TMEM39A: variants seen among roughly 807,000 people sequenced by gnomAD.
TMEM39A encodes the protein transmembrane protein 39A.
TMEM39A carries 19 observed loss-of-function variants against 51.9 expected under a neutral mutation model. That is an observed-to-expected ratio of 0.37 (90% CI 0.26 to 0.54). The LOEUF is 0.54. Ranked by LOEUF, TMEM39A falls within the 20% of genes least tolerant of loss-of-function variation. The pLI is 0.88. For missense variants in TMEM39A, 433 were observed against 590.5 expected (o/e 0.73, Z 2.76); for synonymous variants, 197 against 220.2 (o/e 0.89, Z 0.93).
intron 3 of TMEM39A, among the ~76,000 whole-genome samples, chr3:119,457,274 A>G (rs980871695): frequency 1.3e-5 from 2 of 152,190 alleles, no homozygotes; most frequent in African/African-American, 4.8e-5. Flanking sequence ...CCGGCCTATC[A>G]TGGTACTCTT....
At chr3:119,434,445 C>T (rs2080941744) in intron 8 of TMEM39A, among the ~76,000 whole-genome samples, 1 of 151,988 alleles carries the variant, frequency 6.6e-6, no homozygotes, top group Non-Finnish European at 1.5e-5. Context: ...CAAACTCTTA[C>T]AAAACAAAAA....
At chr3:119,455,505 T>C (rs1553772819) in intron 3 of TMEM39A, among the ~76,000 whole-genome samples, 1 of 152,198 alleles carries the variant, frequency 6.6e-6, no homozygotes. Flanking sequence ...TTCTTGCAAC[T>C]CAGACTCTAG....
chr3:119,447,728 G>A (rs970534545), intron 4 of TMEM39A, among the ~76,000 whole-genome samples: 39 of 151,894 alleles, frequency 2.6e-4, no homozygotes, highest in African/African-American at 8.0e-4. Flanking sequence ...GGGTTCAAGC[G>A]GTTCTCCTGC....
chr3:119,439,002 C>T (rs1223962431), intron 5 of TMEM39A, among the ~76,000 whole-genome samples: 3 of 152,050 alleles, frequency 2.0e-5, no homozygotes, highest in African/African-American at 7.3e-5. Context: ...ACTCTGGTAC[C>T]TCAGATAGTG....
intron 3 of TMEM39A, among the ~76,000 whole-genome samples, chr3:119,455,239 G>T (rs534851877): frequency 6.6e-6 from 1 of 152,320 alleles, no homozygotes; most frequent in African/African-American, 2.4e-5. Context: ...TACCTTCAGT[G>T]ATGGGAAATA....
Position 119,438,210 on chromosome 3 carries a change from C to T in TMEM39A, c.576-107G>A, listed in dbSNP as rs374231064. On this transcript the variant is annotated intron_variant, in intron 5 of 8. Transcript: ENST00000319172. ...TTAGGTCAATAAAATAGTCAGGACC[C>T]GCAGGAGTAAACATAACTCAAGAGG... is the stretch of plus-strand genomic sequence containing the variant. 4.1e-3 allele frequency: 3,200 copies of T among 785,626 alleles called. 120 individuals carry two copies. The South Asian group carries it at 0.066, about 16-fold the overall frequency. The allele number at this position is 785,626 out of a possible 1,614,324, so 48.7% of individuals were successfully genotyped here. A position where few individuals can be genotyped will look rare whatever the true frequency, so the allele number is the denominator to read the frequency against.
At chr3:119,439,016 G>T (rs1170910936) in intron 5 of TMEM39A, among the ~76,000 whole-genome samples, 1 of 152,110 alleles carries the variant, frequency 6.6e-6, no homozygotes, top group Non-Finnish European at 1.5e-5. Context: ...GATAGTGGCT[G>T]TAACACTGTT....
chr3:119,437,039 G>T, intron 6 of TMEM39A, 61 bp from the exon 7 acceptor site: 1 of 1,512,240 alleles, frequency 6.6e-7, no homozygotes, highest in Non-Finnish European at 9.1e-7. Flanking sequence ...GCAGGGATGG[G>T]TTGGTGTACA....
chr3:119,458,327 C>T (rs2081292883), intron 2 of TMEM39A, 87 bp from the exon 3 acceptor site: 1 of 1,095,244 alleles, frequency 9.1e-7, no homozygotes, highest in Non-Finnish European at 1.3e-6. Flanking sequence ...CCTCCATCTA[C>T]CCCTTCACTG....
intron 5 of TMEM39A, among the ~76,000 whole-genome samples, chr3:119,444,990 G>C (rs1190850374): frequency 6.6e-6 from 1 of 152,108 alleles, no homozygotes; most frequent in East Asian, 1.9e-4. Flanking sequence ...TGAGGTGGGA[G>C]AATTGCTTGA....
intron 8 of TMEM39A, 42 bp downstream of exon 8, chr3:119,434,716 CACTT>C: frequency 6.2e-7 from 1 of 1,606,892 alleles, no homozygotes; most frequent in Admixed American, 1.7e-5. Flanking sequence ...GGCCTCCTAA[CACTT>C]ACCCCTAAGC....
rs1263074951 is a variant in TMEM39A, at chr3:119,438,053, T to C, written c.626A>G (p.His209Arg). The change falls in exon 6 of 9, where the codon CAT (histidine) becomes CGT (arginine). Residue 209 changes from histidine to arginine, a missense_variant. Transcript: ENST00000319172. The part of the protein sequence containing the change: ...LCCFHQDSRA[H>R]LLLTDYNYVV... ...ATAGTTGTAGTCTGTGAGAAGAAGA[T>C]GTGCTCTACTATCTTGATGAAAACA... The C allele has an allele frequency of 4.4e-6, 7 of 1,607,670 alleles. No homozygotes were observed. In the South Asian group the frequency reaches 6.6e-5, roughly 15 times the overall value.
At chr3:119,453,102 T>TA (rs1360301911) in intron 3 of TMEM39A, among the ~76,000 whole-genome samples, 1 of 152,216 alleles carries the variant, frequency 6.6e-6, no homozygotes, top group East Asian at 1.9e-4. Context: ...TTCCTTCTAG[T>TA]TCTAAATCTG....
intron 5 of TMEM39A, among the ~76,000 whole-genome samples, chr3:119,438,593 A>C (rs900446457): frequency 6.6e-6 from 1 of 152,336 alleles, no homozygotes; most frequent in East Asian, 1.9e-4. Context: ...ATTTTTAAAG[A>C]TACAATAGTA....
chr3:119,457,828 C>T (rs994631202), intron 3 of TMEM39A, among the ~76,000 whole-genome samples, 190 bp downstream of exon 3: 4 of 152,162 alleles, frequency 2.6e-5, no homozygotes, highest in Admixed American at 2.6e-4. Flanking sequence ...TATATTTTTA[C>T]TTCCTCTGGT....
intron 7 of TMEM39A, chr3:119,435,667 A>T: frequency 1.0e-6 from 1 of 974,758 alleles, no homozygotes; most frequent in Non-Finnish European, 1.2e-6. Flanking sequence ...GGCAGTTTAG[A>T]TATGTTATTA....
At chr3:119,433,215 G>C (rs1253180162) in intron 8 of TMEM39A, among the ~76,000 whole-genome samples, 2 of 152,142 alleles carry the variant, frequency 1.3e-5, no homozygotes, top group Non-Finnish European at 2.9e-5. Flanking sequence ...CCAGGTTCAA[G>C]AGGAAGAAAA....
chr3:119,432,353 T>A (rs757928733), intron 8 of TMEM39A, 139 bp from the exon 9 acceptor site: 39 of 557,164 alleles, frequency 7.0e-5, no homozygotes, highest in Non-Finnish European at 1.1e-4. Context: ...TTATTTAATA[T>A]CAATCAGGCT....
Position 119,462,953 on chromosome 3 carries a change from G to T in TMEM39A, c.-75+383C>A, listed in dbSNP as rs886980899. The stretch of plus-strand genomic sequence containing the variant: ...GCAAAAATCATGATTCTGTCAACAT[G>T]GATACCAATGTTTCCTAAACAATAC... On this transcript the variant is annotated intron_variant, in intron 1 of 8. Coordinates refer to ENST00000319172, the MANE Select transcript of TMEM39A (RefSeq NM_018266.3). Among the ~76,000 whole-genome samples, 43 of 150,200 alleles carry T rather than the reference G, an allele frequency of 2.9e-4. 2 individuals carry two copies. Among genetic ancestry groups the T allele is most frequent in the Admixed American group, 6.6e-5 (1 of 15,130 alleles).
Sources: gnomAD v4.1 joint callset for allele counts (sites outside exome capture counted in the v4.1 genomes callset) on GRCh38, gnomAD v4.1.1 for gene constraint, MANE v1.5 for transcripts, NCBI Gene and HGNC (gene_info 2026-07-23, HGNC 2026-07-21) for gene names.